The following ROBO2 variants were observed in gnomAD, a reference collection of about 807,000 sequenced individuals.
ROBO2 encodes the protein roundabout guidance receptor 2.
A neutral mutation model predicts 160.8 loss-of-function variants in ROBO2; 53 were observed. That is an observed-to-expected ratio of 0.33 (90% confidence interval 0.26 to 0.41). ROBO2 has a LOEUF of 0.41. ROBO2 is among the 10% of genes least tolerant of loss of function. The pLI, the probability that ROBO2 is intolerant of heterozygous loss-of-function variation, is 1.00. For missense variants in ROBO2, 1,577 were observed against 1,722.4 expected (o/e 0.92, Z 1.49); for synonymous variants, 664 against 611.7 (o/e 1.09, Z -1.26).
chr3:76,422,565 G>C (rs1398520238), intron 2 of ROBO2, among the ~76,000 whole-genome samples: 1 of 152,094 alleles, frequency 6.6e-6, no homozygotes, highest in Non-Finnish European at 1.5e-5. Flanking sequence ...AAATTGCATC[G>C]TCTTTTTGGA....
chr3:77,625,583 G>T (rs928860907), intron 23 of ROBO2, among the ~76,000 whole-genome samples: 1 of 152,036 alleles, frequency 6.6e-6, no homozygotes, highest in Non-Finnish European at 1.5e-5. Flanking sequence ...TCACCATGTT[G>T]ACCAAGAGGG....
chr3:76,498,079 A>C (rs1348650894), intron 2 of ROBO2, among the ~76,000 whole-genome samples: 3 of 152,162 alleles, frequency 2.0e-5, no homozygotes, highest in Non-Finnish European at 2.9e-5. Flanking sequence ...AAGAAGAAAA[A>C]ATTTTCAGTG....
chr3:75,987,877 G>A (rs1420623030), intron 2 of ROBO2, among the ~76,000 whole-genome samples: 3 of 151,912 alleles, frequency 2.0e-5, no homozygotes, highest in Non-Finnish European at 4.4e-5. Context: ...TTAGATTCCA[G>A]GAATAAATCC....
rs189802486 is a variant in ROBO2, at chr3:77,216,606, C to T, written c.388+118266C>T. 2.1e-3 allele frequency among the ~76,000 whole-genome samples: 325 copies of T among 152,256 alleles called. 1 individual carries two copies. The highest frequency in any genetic ancestry group is 7.1e-3 in the African/African-American group (294 of 41,546). Reference sequence around the variant, plus strand: ...TCCTGCACCCACTGTCCGACATTCCCCAGTGAGATGAACCCGGTACCTCAG... The same window carrying T: ...TCCTGCACCCACTGTCCGACATTCCTCAGTGAGATGAACCCGGTACCTCAG... On this transcript the variant is annotated intron_variant, in intron 2 of 25. Coordinates refer to ENST00000461745, the Ensembl canonical transcript of ROBO2.
At chr3:76,168,332 G>A (rs753464570) in intron 2 of ROBO2, among the ~76,000 whole-genome samples, 7 of 152,048 alleles carry the variant, frequency 4.6e-5, no homozygotes, top group Non-Finnish European at 8.8e-5. Flanking sequence ...TAGAGGTGAC[G>A]ATATTGTTGA....
At chr3:77,041,493 T>TA in intron 1 of ROBO2, among the ~76,000 whole-genome samples, 1 of 152,190 alleles carries the variant, frequency 6.6e-6, no homozygotes, top group East Asian at 1.9e-4. Context: ...ATGGGGACCT[T>TA]AAACAGGTGC....
intron 2 of ROBO2, among the ~76,000 whole-genome samples, chr3:76,278,175 C>T (rs145548648): frequency 0.087 from 13,227 of 151,800 alleles, 1,045 homozygotes; most frequent in African/African-American, 0.2. Context: ...AAAACAGAGA[C>T]TGAAATCGAG....
intron 24 of ROBO2, among the ~76,000 whole-genome samples, chr3:77,641,949 A>G (rs554420079): frequency 7.2e-5 from 11 of 152,208 alleles, no homozygotes; most frequent in African/African-American, 2.4e-4. Flanking sequence ...CTCTATCTCA[A>G]ATTTCTGTGA....
chr3:77,185,501 C>A (rs544191306), intron 2 of ROBO2, among the ~76,000 whole-genome samples: 2 of 151,894 alleles, frequency 1.3e-5, no homozygotes, highest in Non-Finnish European at 2.9e-5. Flanking sequence ...TGGCCATAAT[C>A]AAAAAATCAA....
chr3:77,201,416 CATA>C (rs1438286846), intron 2 of ROBO2, among the ~76,000 whole-genome samples: 2 of 152,158 alleles, frequency 1.3e-5, no homozygotes, highest in African/African-American at 4.8e-5. Context: ...AACTTGAGCA[CATA>C]ATAACAATTA....
intron 1 of ROBO2, among the ~76,000 whole-genome samples, chr3:77,081,278 A>G (rs750584001): frequency 1.3e-5 from 2 of 152,200 alleles, no homozygotes; most frequent in Non-Finnish European, 2.9e-5. Flanking sequence ...TTGACACAAG[A>G]GTCTCATTAT....
chr3:76,185,522 AGAG>A (rs994658247), intron 2 of ROBO2, among the ~76,000 whole-genome samples: 1 of 152,012 alleles, frequency 6.6e-6, no homozygotes, highest in Admixed American at 6.6e-5. Flanking sequence ...GCATGGGAAG[AGAG>A]GAGAAAACCG....
intron 2 of ROBO2, among the ~76,000 whole-genome samples, chr3:76,440,367 A>T (rs2076871331): frequency 6.6e-6 from 1 of 151,996 alleles, no homozygotes; most frequent in East Asian, 1.9e-4. Flanking sequence ...CGTCATTTAC[A>T]TTAGGTATAT....
chr3:77,207,332 A>G (rs2083566218), intron 2 of ROBO2, among the ~76,000 whole-genome samples: 1 of 152,138 alleles, frequency 6.6e-6, no homozygotes, highest in Non-Finnish European at 1.5e-5. Context: ...TTTATATGAT[A>G]CCAAAAATCC....
At chr3:77,465,618 G>T (rs55824934) in intron 2 of ROBO2, among the ~76,000 whole-genome samples, 19 of 152,184 alleles carry the variant, frequency 1.2e-4, no homozygotes, top group Non-Finnish European at 2.5e-4. Context: ...ACTGAAGAAG[G>T]CTTCTTTCCA....
intron 2 of ROBO2, among the ~76,000 whole-genome samples, chr3:76,231,126 G>A (rs1239983915): frequency 6.6e-6 from 1 of 152,174 alleles, no homozygotes. Context: ...AGGCTACCCA[G>A]TCAGAGAAAC....
chr3:76,461,422 C>A (rs2078081036), intron 2 of ROBO2, among the ~76,000 whole-genome samples: 1 of 151,766 alleles, frequency 6.6e-6, no homozygotes, highest in Non-Finnish European at 1.5e-5. Context: ...TATTGTAGAA[C>A]AATAATAAGA....
chr3:76,951,564 A>G (rs1376964148), intron 2 of ROBO2, among the ~76,000 whole-genome samples: 2 of 152,220 alleles, frequency 1.3e-5, no homozygotes, highest in Admixed American at 1.3e-4. Context: ...AGAAAAAAGA[A>G]ATATATTTTT....
At chr3:77,146,205 T>A (rs908293239) in intron 2 of ROBO2, among the ~76,000 whole-genome samples, 1 of 152,190 alleles carries the variant, frequency 6.6e-6, no homozygotes, top group Non-Finnish European at 1.5e-5. Context: ...TGCTCAGGGT[T>A]TGGCCGCCCC....
Sources: allele counts gnomAD v4.1 joint callset (sites outside exome capture counted in the v4.1 genomes callset), GRCh38; gene constraint gnomAD v4.1.1; transcripts MANE v1.5; gene names NCBI Gene and HGNC (gene_info 2026-07-23, HGNC 2026-07-21).